The following SLC18B1 variants were observed in gnomAD, a reference collection of about 807,000 sequenced individuals.
SLC18B1 encodes solute carrier family 18 member B1, also known as MFS-type transporter SLC18B1.
In SLC18B1, 62 loss-of-function variants were observed where a neutral mutation model predicts 53.9. That is an observed-to-expected ratio of 1.15 (90% CI 0.94 to 1.42). SLC18B1 has a LOEUF of 1.42. SLC18B1 is among the 40% of genes most tolerant of loss of function. The pLI is 0.00. For missense variants in SLC18B1, 598 were observed against 547.3 expected (o/e 1.09, Z -0.93); for synonymous variants, 217 against 200.9 (o/e 1.08, Z -0.68).
intron 9 of SLC18B1, among the ~76,000 whole-genome samples, chr6:132,773,656 G>T (rs1259818790): frequency 6.6e-6 from 1 of 152,168 alleles, no homozygotes; most frequent in Admixed American, 6.6e-5. Context: ...TTAGTACATG[G>T]CAAAGCCAAA....
At chr6:132,785,408 T>C (rs1302205969) in intron 5 of SLC18B1, among the ~76,000 whole-genome samples, 3 of 152,368 alleles carry the variant, frequency 2.0e-5, no homozygotes, top group East Asian at 3.9e-4. Context: ...ACTATAGATA[T>C]TGCAACATTT....
In SLC18B1 at chr6:132,783,982, G is replaced by T. The variant is rs777391951; in HGVS notation, c.609C>A (p.Cys203Ter). 6.2e-7 allele frequency: 1 copy of T among 1,607,482 alleles called. No individual in the cohort carries two copies. The highest frequency in any genetic ancestry group is 1.7e-5 in the Admixed American group (1 of 58,968). Reference protein sequence around the residue: ...GYEVPFIVLGCVVLLMVPLNM... With the variant: ...GYEVPFIVLG Reference sequence around the variant, plus strand: ...TGAGTGGTACCATCAGCAAAACGACGCATCCCAGAACAATAAAAGGCACTT... The same window carrying T: ...TGAGTGGTACCATCAGCAAAACGACTCATCCCAGAACAATAAAAGGCACTT... The change falls in exon 6 of 14, where the codon TGC (cysteine) becomes TGA (stop). Residue 203 changes from cysteine to a stop codon, truncating the protein, a stop_gained. Coordinates refer to ENST00000275227, the MANE Select transcript of SLC18B1 (RefSeq NM_052831.3). LOFTEE classifies it high-confidence loss of function.
chr6:132,777,906 C>T (rs547533239), intron 7 of SLC18B1, among the ~76,000 whole-genome samples: 4 of 152,150 alleles, frequency 2.6e-5, no homozygotes, highest in African/African-American at 4.8e-5. Flanking sequence ...GGGTGTCACA[C>T]GCGTCCGTGT....
chr6:132,780,099 T>TC (rs1183995839), intron 6 of SLC18B1, among the ~76,000 whole-genome samples: 1 of 131,416 alleles, frequency 7.6e-6, no homozygotes, highest in African/African-American at 2.7e-5. Flanking sequence ...AGCTTTTTTT[T>TC]CTTTTTTTTT....
intron 4 of SLC18B1, 112 bp downstream of exon 4, chr6:132,789,652 A>G: frequency 1.3e-6 from 1 of 772,558 alleles, no homozygotes; most frequent in Non-Finnish European, 2.3e-6. Context: ...CATGCTATGC[A>G]TTTGACAGAC....
chr6:132,776,242 G>T, intron 8 of SLC18B1, 86 bp downstream of exon 8: 1 of 1,025,034 alleles, frequency 9.8e-7, no homozygotes, highest in Admixed American at 2.1e-5. Context: ...TCTAACCAGT[G>T]GAATCCTAGA....
At chr6:132,793,620 T>C (rs918121891) in intron 2 of SLC18B1, among the ~76,000 whole-genome samples, 5 of 152,194 alleles carry the variant, frequency 3.3e-5, no homozygotes, top group African/African-American at 1.2e-4. Context: ...TTACATTCCT[T>C]AAATGATAAA....
intron 10 of SLC18B1, among the ~76,000 whole-genome samples, chr6:132,772,418 CAT>C (rs560137355): frequency 1.3e-5 from 2 of 152,032 alleles, no homozygotes; most frequent in East Asian, 1.9e-4. Context: ...AATTTTTCTG[CAT>C]ATATATATGA....
intron 5 of SLC18B1, among the ~76,000 whole-genome samples, chr6:132,787,108 C>A (rs534882240): frequency 6.6e-6 from 1 of 152,100 alleles, no homozygotes; most frequent in African/African-American, 2.4e-5. Context: ...GGCAGCTCAG[C>A]CACAATCTAG....
rs191636247 is a variant in SLC18B1, at chr6:132,772,989, T to C, written c.1085+4A>G. 2.5e-6 allele frequency: 4 copies of C among 1,607,970 alleles called. No homozygotes were observed. In the Admixed American group the frequency reaches 6.7e-5, roughly 27 times the overall value. On this transcript the variant is annotated splice_donor_region_variant and intron_variant, in intron 10 of 13. Transcript: ENST00000275227. ...CAGCTCTTCAAGCAATGGAAGTAAC[T>C]TACTGTGCACAACTGAGAATTTCCG...
Position 132,770,244 on chromosome 6 carries a change from C to G in SLC18B1, c.*26G>C, listed in dbSNP as rs1486788093. The G allele has an allele frequency of 6.3e-7, 1 of 1,595,632 alleles. No individual in the cohort carries two copies. Among genetic ancestry groups the G allele is most frequent in the South Asian group, 1.1e-5 (1 of 90,646 alleles). ...AGGCCAGGAGCATTCATTTCTCAAC[C>G]TTGTATCAATCCAGGATCCATCGGA... is the stretch of plus-strand genomic sequence containing the variant. On this transcript the variant is annotated 3_prime_UTR_variant, in exon 14 of 14. Coordinates refer to ENST00000275227, the MANE Select transcript of SLC18B1 (RefSeq NM_052831.3).
chr6:132,787,355 GA>G, intron 5 of SLC18B1, 78 bp downstream of exon 5: 5 of 1,363,870 alleles, frequency 3.7e-6, no homozygotes, highest in Non-Finnish European at 4.9e-6. Flanking sequence ...TAGAAGAATG[GA>G]CCCCAGCTTT....
rs749105275 is a variant in SLC18B1, at chr6:132,770,242, AC to A, written c.*27del. On this transcript the variant is annotated 3_prime_UTR_variant, in exon 14 of 14. Transcript: ENST00000275227. ...TAAGGCCAGGAGCATTCATTTCTCA[AC>A]CTTGTATCAATCCAGGATCCATCGG... 1 of 1,592,010 alleles carries A rather than the reference AC, an allele frequency of 6.3e-7. No individual in the cohort carries two copies. The highest frequency in any genetic ancestry group is 2.2e-5 in the East Asian group (1 of 44,744).
chr6:132,797,805 T>C (rs978426329), intron 1 of SLC18B1, among the ~76,000 whole-genome samples: 3 of 152,310 alleles, frequency 2.0e-5, no homozygotes. Flanking sequence ...CCCTAATTAC[T>C]GGTCTTTTAC....
chr6:132,772,304 C>A, intron 10 of SLC18B1, 98 bp from the exon 11 acceptor site: 1 of 697,142 alleles, frequency 1.4e-6, no homozygotes, highest in Non-Finnish European at 2.3e-6. Flanking sequence ...CAAGGATAAT[C>A]TGGAAAAAAA....
At position 132,771,018 on chromosome 6, in the gene SLC18B1, A is replaced by G. The variant is rs764717986; in HGVS notation, c.1254+18T>C. 2 of 1,610,992 alleles carry G rather than the reference A, an allele frequency of 1.2e-6. No homozygotes were observed. Among genetic ancestry groups the G allele is most frequent in the African/African-American group, 2.7e-5 (2 of 74,678 alleles). ...CCACAAATATAAGGAAAATGCAAAT[A>G]AAAGACTGATTACTCACACTTATCA... On this transcript the variant is annotated intron_variant, in intron 12 of 13. Coordinates refer to ENST00000275227, the MANE Select transcript of SLC18B1 (RefSeq NM_052831.3).
At chr6:132,784,116 G>A in intron 5 of SLC18B1, 27 bp from the exon 6 acceptor site, 1 of 1,514,310 alleles carries the variant, frequency 6.6e-7, no homozygotes, top group Non-Finnish European at 8.8e-7. Context: ...GAAAAAATCA[G>A]TTTAAATATT....
chr6:132,776,175 C>T (rs1239879274), intron 8 of SLC18B1, among the ~76,000 whole-genome samples, 153 bp downstream of exon 8: 1 of 152,016 alleles, frequency 6.6e-6, no homozygotes, highest in Non-Finnish European at 1.5e-5. Context: ...GATAGCTGAC[C>T]CTTAGGGTGA....
chr6:132,789,149 A>G (rs899632394), intron 4 of SLC18B1, among the ~76,000 whole-genome samples: 2 of 152,146 alleles, frequency 1.3e-5, no homozygotes, highest in African/African-American at 4.8e-5. Context: ...TTTTTCTGGA[A>G]GTAGCAATGG....
Sources: allele counts gnomAD v4.1 joint callset (sites outside exome capture counted in the v4.1 genomes callset), GRCh38; gene constraint gnomAD v4.1.1; transcripts MANE v1.5; gene names NCBI Gene and HGNC (gene_info 2026-07-23, HGNC 2026-07-21).